Variants in PTBP3 observed in about 807,000 individuals in gnomAD.
The protein encoded by PTBP3 is polypyrimidine tract-binding protein 3.
PTBP3 carries 20 observed loss-of-function variants against 58.7 expected under a neutral mutation model. That is an observed-to-expected ratio of 0.34 (90% CI 0.24 to 0.50). The LOEUF is 0.50. PTBP3 is among the 20% of genes least tolerant of loss of function. The probability of loss-of-function intolerance (pLI) is 0.98; values close to 1 mark genes in which losing one functional copy is unlikely to be tolerated. For synonymous variants in PTBP3, 185 were observed against 219.8 expected, an observed-to-expected ratio of 0.84 and a Z score of 1.40; for missense variants, 509 against 637.2, an observed-to-expected ratio of 0.80 and a Z score of 2.17.
intron 1 of PTBP3, among the ~76,000 whole-genome samples, chr9:112,312,654 TATA>T (rs1419260557): frequency 6.6e-6 from 1 of 151,884 alleles, no homozygotes; most frequent in East Asian, 1.9e-4. Context: ...GTACTCTTCT[TATA>T]ATCTTTCTGT....
At chr9:112,321,937 C>G (rs1348028128) in intron 1 of PTBP3, among the ~76,000 whole-genome samples, 8 of 152,006 alleles carry the variant, frequency 5.3e-5, no homozygotes, top group African/African-American at 1.9e-4. Flanking sequence ...AGATCAAGAC[C>G]ATCCTGGCCA....
chr9:112,365,174 ATC>A, the PTBP3 span, among the ~76,000 whole-genome samples: 6 of 152,052 alleles, frequency 3.9e-5, no homozygotes, highest in Non-Finnish European at 7.4e-5. Flanking sequence ...CTATCTATGT[ATC>A]TATATATGTA....
chr9:112,244,293 A>AAAAAAAAAAAAAAAAAAAAAAAG, intron 7 of PTBP3, among the ~76,000 whole-genome samples: 1 of 134,120 alleles, frequency 7.5e-6, no homozygotes, highest in Non-Finnish European at 1.6e-5. Context: ...CTGTCTCAAA[A>AAAAAAAAAAAAAAAAAAAAAAAG]AAAAAAAAAA....
intron 5 of PTBP3, among the ~76,000 whole-genome samples, chr9:112,259,379 C>A (rs1199059701): frequency 1.3e-5 from 2 of 152,186 alleles, no homozygotes; most frequent in Non-Finnish European, 2.9e-5. Flanking sequence ...AAAAGCTTTG[C>A]ATCACCACTG....
chr9:112,282,614 T>A (rs530827365), intron 2 of PTBP3, among the ~76,000 whole-genome samples: 10 of 152,308 alleles, frequency 6.6e-5, no homozygotes, highest in Non-Finnish European at 1.2e-4. Flanking sequence ...TGTGACAACT[T>A]CTTTGATCAA....
chr9:112,273,681 T>C (rs1207818036), intron 3 of PTBP3, among the ~76,000 whole-genome samples: 1 of 152,126 alleles, frequency 6.6e-6, no homozygotes, highest in Non-Finnish European at 1.5e-5. Context: ...AAGTCCAATT[T>C]TCATAGTACA....
intron 1 of PTBP3, among the ~76,000 whole-genome samples, chr9:112,306,016 C>A (rs1264483618): frequency 6.6e-6 from 1 of 152,070 alleles, no homozygotes; most frequent in African/African-American, 2.4e-5. Context: ...AATTATTGAA[C>A]CTGTGGGTAG....
intron 7 of PTBP3, among the ~76,000 whole-genome samples, chr9:112,239,508 T>A (rs1183327349): frequency 6.6e-6 from 1 of 151,906 alleles, no homozygotes; most frequent in Non-Finnish European, 1.5e-5. Context: ...GGTGGGTGGG[T>A]CACTTCAGGC....
intron 12 of PTBP3, 131 bp from the exon 13 acceptor site, chr9:112,224,341 T>G (rs894435656): frequency 1.8e-6 from 1 of 540,780 alleles, no homozygotes; most frequent in Non-Finnish European, 3.1e-6. Flanking sequence ...AAGACTTGAT[T>G]TGGAAGTTCC....
intron 1 of PTBP3, chr9:112,333,128 G>A (rs754367515): frequency 3.0e-5 from 37 of 1,250,874 alleles, no homozygotes; most frequent in Admixed American, 1.3e-4. Context: ...AGTGTCGGGA[G>A]GCCGAGCTGG....
the PTBP3 span, among the ~76,000 whole-genome samples, chr9:112,341,498 G>A: frequency 6.6e-6 from 1 of 152,060 alleles, no homozygotes; most frequent in Non-Finnish European, 1.5e-5. Flanking sequence ...CGTTGGGTGT[G>A]TGTGTGTGTG....
chr9:112,228,164 CA>C (rs1364898611), intron 11 of PTBP3, among the ~76,000 whole-genome samples: 2 of 152,122 alleles, frequency 1.3e-5, no homozygotes, highest in Non-Finnish European at 2.9e-5. Flanking sequence ...TAGAAATTAA[CA>C]ATATGTTCAC....
chr9:112,334,611 AAG>A (rs370061117), upstream of PTBP3, among the ~76,000 whole-genome samples: 18 of 152,354 alleles, frequency 1.2e-4, no homozygotes, highest in South Asian at 3.7e-3. Flanking sequence ...CTGAGTAAAA[AAG>A]AGCGGGGCTC....
intron 2 of PTBP3, among the ~76,000 whole-genome samples, chr9:112,282,615 C>T (rs1181474800): frequency 2.0e-5 from 3 of 151,802 alleles, no homozygotes; most frequent in African/African-American, 7.3e-5. Context: ...GTGACAACTT[C>T]TTTGATCAAT....
chr9:112,259,126 T>C (rs897104482), intron 5 of PTBP3, among the ~76,000 whole-genome samples: 1 of 152,122 alleles, frequency 6.6e-6, no homozygotes, highest in Non-Finnish European at 1.5e-5. Context: ...TAATATTTTG[T>C]ATTTTTGGTA....
At chr9:112,340,833 GCCATTGCACTC>G in the PTBP3 span, among the ~76,000 whole-genome samples, 1 of 150,582 alleles carries the variant, frequency 6.6e-6, no homozygotes, top group African/African-American at 2.5e-5. Flanking sequence ...CCGAGATCGC[GCCATTGCACTC>G]CCGCTTGGGC....
At chr9:112,254,284 C>A (rs1035547528) in intron 5 of PTBP3, among the ~76,000 whole-genome samples, 5 of 152,134 alleles carry the variant, frequency 3.3e-5, no homozygotes, top group African/African-American at 1.2e-4. Flanking sequence ...CCATACCTGG[C>A]CCTGCTTTTT....
the PTBP3 span, among the ~76,000 whole-genome samples, chr9:112,365,386 G>A: frequency 3.3e-5 from 5 of 152,194 alleles, no homozygotes; most frequent in East Asian, 9.7e-4. Context: ...GAGTGAATAA[G>A]TCTCATGAGA....
the PTBP3 span, among the ~76,000 whole-genome samples, chr9:112,358,454 C>A: frequency 6.6e-6 from 1 of 152,180 alleles, no homozygotes; most frequent in Non-Finnish European, 1.5e-5. Flanking sequence ...GTCAATAGTG[C>A]CACGGCTGAG....
Sources: gnomAD v4.1 joint callset for allele counts (sites outside exome capture counted in the v4.1 genomes callset) on GRCh38, gnomAD v4.1.1 for gene constraint, MANE v1.5 for transcripts, NCBI Gene and HGNC (gene_info 2026-07-23, HGNC 2026-07-21) for gene names.